The following TNRC6C variants were observed in gnomAD, a reference collection of about 807,000 sequenced individuals.
The protein encoded by TNRC6C is trinucleotide repeat containing adaptor 6C.
A neutral mutation model predicts 153.7 loss-of-function variants in TNRC6C; 20 were observed. The observed-to-expected ratio is 0.13, with a 90% CI of 0.09 to 0.19. The LOEUF is 0.19. Ranked by LOEUF, TNRC6C falls within the 10% of genes least tolerant of loss-of-function variation. The probability of loss-of-function intolerance (pLI) is 1.00; values close to 1 mark genes in which losing one functional copy is unlikely to be tolerated. For synonymous variants in TNRC6C, 811 were observed against 841.4 expected (o/e 0.96, Z 0.63); for missense variants, 1,987 against 2,172.0 (o/e 0.91, Z 1.69).
chr17:78,102,765 A>T (rs1054321294), intron 18 of TNRC6C: 1 of 522,362 alleles, frequency 1.9e-6, no homozygotes, highest in Non-Finnish European at 3.4e-6. Flanking sequence ...TTCCTGGTGA[A>T]TTGTTTGTTT....
chr17:78,064,678 G>C, intron 3 of TNRC6C, 44 bp from the exon 6 acceptor site: 1 of 1,577,780 alleles, frequency 6.3e-7, no homozygotes, highest in Non-Finnish European at 8.7e-7. Context: ...GCTTTTCTCT[G>C]ATGCACTTTC....
intron 15 of TNRC6C, 180 bp downstream of exon 17, chr17:78,093,304 A>C: frequency 1.3e-6 from 1 of 775,586 alleles, no homozygotes; most frequent in Non-Finnish European, 2.0e-6. Flanking sequence ...TATGGTTAGC[A>C]TCAGGCATTT....
At chr17:78,093,145 T>C (rs1449206782) in intron 15 of TNRC6C, 21 bp downstream of exon 17, 3 of 1,609,588 alleles carry the variant, frequency 1.9e-6, no homozygotes, top group South Asian at 1.1e-5. Flanking sequence ...GCAACACTTC[T>C]GTGCAACAGC....
intron 8 of TNRC6C, 49 bp from the exon 11 acceptor site, chr17:78,077,136 G>C: frequency 2.6e-6 from 4 of 1,554,536 alleles, no homozygotes; most frequent in South Asian, 1.2e-5. Flanking sequence ...TTGGTGCTTT[G>C]TCTGCTGATG....
intron 2 of TNRC6C, among the ~76,000 whole-genome samples, chr17:78,039,258 T>A (rs1221161753): frequency 6.6e-6 from 1 of 151,826 alleles, no homozygotes; most frequent in Non-Finnish European, 1.5e-5. Context: ...TGAGAACCAG[T>A]TGAACTTTTG....
Position 78,077,395 on chromosome 17 carries a change from G to A in TNRC6C, c.3210+61G>A, listed in dbSNP as rs775213091. On this transcript the variant is annotated intron_variant, in intron 9 of 19. Transcript: ENST00000301624. Reference sequence around the variant, plus strand: ...GTTTTACCTGCCTTCTAAAAAATGTGTTTGAGACATAAACTTACTTATTTA... The same window carrying A: ...GTTTTACCTGCCTTCTAAAAAATGTATTTGAGACATAAACTTACTTATTTA... 2.3e-5 allele frequency: 36 copies of A among 1,544,114 alleles called. No homozygotes were observed. The East Asian group carries it at 7.3e-4, about 31-fold the overall frequency.
intron 1 of TNRC6C, among the ~76,000 whole-genome samples, chr17:77,999,049 G>C (rs1041955060): frequency 2.0e-5 from 3 of 152,216 alleles, no homozygotes; most frequent in African/African-American, 4.8e-5. Flanking sequence ...GGGCAGGGGG[G>C]TGTTGACATC....
At chr17:78,004,285 C>T (rs1423140892), upstream of TNRC6C, 3 of 1,231,580 alleles carry the variant, frequency 2.4e-6, no homozygotes, top group Non-Finnish European at 3.0e-6. Flanking sequence ...GCTGAAGTTC[C>T]TGCTTCATTG....
exon 20 of TNRC6C, chr17:78,107,266 T>G (rs903288876): frequency 1.3e-5 from 2 of 152,190 alleles, no homozygotes; most frequent in African/African-American, 2.4e-5. Context: ...GTTTTTTGTT[T>G]GTTTGTTTTT....
intron 17 of TNRC6C, among the ~76,000 whole-genome samples, chr17:78,098,986 A>G (rs1005187501): frequency 2.8e-4 from 43 of 152,348 alleles, no homozygotes; most frequent in Admixed American, 7.8e-4. Context: ...TTGCAGGCCC[A>G]AAACAAAACA....
intron 1 of TNRC6C, among the ~76,000 whole-genome samples, chr17:78,009,613 G>A (rs984336579): frequency 6.6e-6 from 1 of 152,032 alleles, no homozygotes; most frequent in Non-Finnish European, 1.5e-5. Context: ...GGAATGCAGT[G>A]GTGCAATCTC....
upstream of TNRC6C, among the ~76,000 whole-genome samples, chr17:78,001,457 C>T (rs2143154541): frequency 6.6e-6 from 1 of 152,176 alleles, no homozygotes; most frequent in South Asian, 2.1e-4. Context: ...TGGCGGTATA[C>T]TGGAAAGGAG....
chr17:78,003,384 A>G (rs1002271077), upstream of TNRC6C, among the ~76,000 whole-genome samples: 1 of 152,264 alleles, frequency 6.6e-6, no homozygotes, highest in Non-Finnish European at 1.5e-5. Context: ...GAAGATTTTC[A>G]GAGAAAAGAA....
chr17:78,087,047 C>T (rs1285037106), exon 13 of TNRC6C: 13 of 1,613,810 alleles, frequency 8.1e-6, no homozygotes, highest in Non-Finnish European at 1.0e-5. Flanking sequence ...ACCTGCAGAC[C>T]AAAGAGCAGC....
intron 2 of TNRC6C, among the ~76,000 whole-genome samples, chr17:78,032,330 G>T (rs116633118): frequency 2.1e-3 from 317 of 152,284 alleles, no homozygotes; most frequent in African/African-American, 7.5e-3. Flanking sequence ...GCTTCTTGTT[G>T]CTTCCTTGCC....
chr17:78,101,397 C>G (rs1387438156), intron 17 of TNRC6C, among the ~76,000 whole-genome samples: 1 of 152,176 alleles, frequency 6.6e-6, no homozygotes, highest in Admixed American at 6.5e-5. Flanking sequence ...CTAGGAAGTT[C>G]CAAACTTTCC....
intron 1 of TNRC6C, among the ~76,000 whole-genome samples, chr17:77,982,354 C>T (rs2071091155): frequency 6.6e-6 from 1 of 151,896 alleles, no homozygotes; most frequent in Non-Finnish European, 1.5e-5. Flanking sequence ...AATAGTCACT[C>T]AGAATGTTTT....
rs1044613833 is a variant in TNRC6C at position 77,967,028 on chromosome 17, G to A, written c.-38+7760G>A. Among the ~76,000 whole-genome samples the A allele has an allele frequency of 2.0e-5, 3 of 152,208 alleles. No individual in the cohort carries two copies. In the East Asian group the frequency reaches 5.8e-4, roughly 29 times the overall value. On this transcript the variant is annotated intron_variant, in intron 1 of 22. Transcript: ENST00000636222. ...GATTCCTTAAACTTAAGGAATAATAGATTCTTTTTTACTCCTGTAGAGTGG... is the reference window on the plus strand; with the variant it reads ...GATTCCTTAAACTTAAGGAATAATAAATTCTTTTTTACTCCTGTAGAGTGG...
At chr17:78,028,617 G>T (rs893830685) in intron 1 of TNRC6C, among the ~76,000 whole-genome samples, 1 of 152,176 alleles carries the variant, frequency 6.6e-6, no homozygotes, top group African/African-American at 2.4e-5. Flanking sequence ...AGATGGCCAA[G>T]TCCATGTTGA....
Sources: gnomAD v4.1 joint callset for allele counts (sites outside exome capture counted in the v4.1 genomes callset) on GRCh38, gnomAD v4.1.1 for gene constraint, MANE v1.5 for transcripts, NCBI Gene and HGNC (gene_info 2026-07-23, HGNC 2026-07-21) for gene names.